The following SUGCT variants were observed in gnomAD, a reference collection of about 807,000 sequenced individuals.
The protein encoded by SUGCT is succinyl-CoA:glutarate CoA-transferase.
A neutral mutation model predicts 55.0 loss-of-function variants in SUGCT; 41 were observed. The observed-to-expected ratio is 0.74, with a 90% CI of 0.58 to 0.97. The LOEUF (loss-of-function observed/expected upper bound fraction) is 0.97. Ranked by LOEUF, SUGCT falls within the 50% of genes least tolerant of loss-of-function variation. The probability of loss-of-function intolerance (pLI) is 0.00; values close to 1 mark genes in which losing one functional copy is unlikely to be tolerated. For synonymous variants in SUGCT, 187 were observed against 200.4 expected, an observed-to-expected ratio of 0.93 and a Z score of 0.56; for missense variants, 568 against 547.8, an observed-to-expected ratio of 1.04 and a Z score of -0.37.
Position 40,314,691 on chromosome 7 carries a change from A to G in SUGCT, c.721-2069A>G, listed in dbSNP as rs369606471. On this transcript the variant is annotated intron_variant, in intron 8 of 13. Coordinates refer to ENST00000335693, the MANE Select transcript of SUGCT (RefSeq NM_001193313.2). ...GCGATTCTCCTGCCTCAGCCTCCCA[A>G]GTAGCTGGGATTACAGGCATGTGCC... Among the ~76,000 whole-genome samples, 102 of 151,144 alleles carry G rather than the reference A, an allele frequency of 6.7e-4. 2 individuals carry two copies. The South Asian group carries it at 0.021, about 31-fold the overall frequency.
intron 6 of SUGCT, among the ~76,000 whole-genome samples, chr7:40,230,363 A>T (rs1364408244): frequency 6.6e-6 from 1 of 152,218 alleles, no homozygotes; most frequent in East Asian, 1.9e-4. Flanking sequence ...GCTAGGTCAC[A>T]AACAATTCAG....
In SUGCT at chr7:40,641,863, G is replaced by A. The variant is rs184105533; in HGVS notation, c.1090-107571G>A. ...AATATCACAGATTGAAATGTGACAC[G>A]GGTACCTGGCTGCATACTTTCTTTA... On this transcript the variant is annotated intron_variant, in intron 12 of 13. Transcript: ENST00000335693. Among the ~76,000 whole-genome samples the A allele has an allele frequency of 4.1e-3, 625 of 152,250 alleles. 4 individuals carry two copies. The highest frequency in any genetic ancestry group is 0.017 in the Middle Eastern group (5 of 294).
intron 12 of SUGCT, among the ~76,000 whole-genome samples, chr7:40,716,217 T>C (rs576399121): frequency 6.6e-6 from 1 of 152,312 alleles, no homozygotes; most frequent in African/African-American, 2.4e-5. Flanking sequence ...CAGGGAGGTT[T>C]TCCTGCCCTG....
At chr7:41,034,851 G>A in the SUGCT span, among the ~76,000 whole-genome samples, 9 of 152,322 alleles carry the variant, frequency 5.9e-5, no homozygotes, top group South Asian at 1.9e-3. Context: ...CTTTCTAGGG[G>A]TGATGGGGGT....
chr7:40,318,524 C>T (rs562926434), intron 9 of SUGCT, among the ~76,000 whole-genome samples: 1 of 152,346 alleles, frequency 6.6e-6, no homozygotes, highest in African/African-American at 2.4e-5. Context: ...GCAACCTCCA[C>T]CTCCCAGGTT....
chr7:40,907,496 C>T, the SUGCT span, among the ~76,000 whole-genome samples: 1 of 152,192 alleles, frequency 6.6e-6, no homozygotes, highest in African/African-American at 2.4e-5. Flanking sequence ...AAAGCAGTGC[C>T]TAAATGTAGT....
intron 9 of SUGCT, among the ~76,000 whole-genome samples, chr7:40,360,076 C>T (rs1312493172): frequency 1.3e-5 from 2 of 152,266 alleles, no homozygotes; most frequent in East Asian, 3.9e-4. Context: ...TGCAGTGGCA[C>T]GATCTCGGCT....
chr7:40,948,433 CATGATGATGATGATGATG>C, the SUGCT span, among the ~76,000 whole-genome samples: 7 of 149,024 alleles, frequency 4.7e-5, no homozygotes, highest in African/African-American at 1.8e-4. Flanking sequence ...CCCTGAAAAA[CATGATGATGATGATGATG>C]ATGATGATGA....
chr7:40,234,817 G>A (rs980540934), intron 6 of SUGCT, among the ~76,000 whole-genome samples: 1 of 152,056 alleles, frequency 6.6e-6, no homozygotes, highest in Non-Finnish European at 1.5e-5. Context: ...GCTGAGGGGG[G>A]AGAATTGCTG....
At chr7:41,037,919 G>C in the SUGCT span, among the ~76,000 whole-genome samples, 3 of 152,014 alleles carry the variant, frequency 2.0e-5, no homozygotes, top group Non-Finnish European at 4.4e-5. Flanking sequence ...TTCGACATTT[G>C]GTTCTTAATC....
chr7:40,978,001 G>A, the SUGCT span, among the ~76,000 whole-genome samples: 1 of 152,106 alleles, frequency 6.6e-6, no homozygotes, highest in Non-Finnish European at 1.5e-5. Context: ...GTTCGCCATT[G>A]GCTCTCTTGT....
chr7:40,573,483 A>G (rs1226996454), intron 12 of SUGCT, among the ~76,000 whole-genome samples: 1 of 152,110 alleles, frequency 6.6e-6, no homozygotes, highest in Admixed American at 6.5e-5. Context: ...CCTAAGTAAT[A>G]AGCTGTAACA....
chr7:40,629,789 A>G (rs939983912), intron 12 of SUGCT, among the ~76,000 whole-genome samples: 1 of 152,204 alleles, frequency 6.6e-6, no homozygotes, highest in Non-Finnish European at 1.5e-5. Flanking sequence ...AACTTTTTGC[A>G]TATGGATAAA....
the SUGCT span, among the ~76,000 whole-genome samples, chr7:40,948,273 A>G: frequency 2.6e-5 from 4 of 152,204 alleles, no homozygotes; most frequent in Non-Finnish European, 1.5e-5. Context: ...AAGAAACTGC[A>G]ACTGACGATC....
At chr7:40,636,633 CG>C (rs1371616074) in intron 12 of SUGCT, among the ~76,000 whole-genome samples, 1 of 151,984 alleles carries the variant, frequency 6.6e-6, no homozygotes, top group Non-Finnish European at 1.5e-5. Context: ...GCAGGATGCA[CG>C]GGGAGCTTGT....
the SUGCT span, among the ~76,000 whole-genome samples, chr7:41,037,436 A>G: frequency 6.6e-6 from 1 of 152,140 alleles, no homozygotes; most frequent in Non-Finnish European, 1.5e-5. Flanking sequence ...TTTAAAAAAA[A>G]AAAAGATATA....
At chr7:40,190,456 G>A (rs1186825591) in intron 5 of SUGCT, among the ~76,000 whole-genome samples, 1 of 152,028 alleles carries the variant, frequency 6.6e-6, no homozygotes, top group East Asian at 1.9e-4. Flanking sequence ...CACCATGTTG[G>A]CCAGGCTGGT....
intron 9 of SUGCT, among the ~76,000 whole-genome samples, chr7:40,401,151 A>G (rs1369883270): frequency 6.6e-6 from 1 of 152,192 alleles, no homozygotes; most frequent in African/African-American, 2.4e-5. Flanking sequence ...TATCTCATAA[A>G]GCCTCAGATA....
At chr7:40,229,396 A>G (rs1016247523) in intron 6 of SUGCT, among the ~76,000 whole-genome samples, 3 of 151,806 alleles carry the variant, frequency 2.0e-5, no homozygotes, top group East Asian at 1.9e-4. Context: ...GCATGCGCCT[A>G]TAGTCCCAGC....
Sources: allele counts gnomAD v4.1 joint callset (sites outside exome capture counted in the v4.1 genomes callset), GRCh38; gene constraint gnomAD v4.1.1; transcripts MANE v1.5; gene names NCBI Gene and HGNC (gene_info 2026-07-23, HGNC 2026-07-21).